The following ERBB4 variants were observed in gnomAD, a reference collection of about 807,000 sequenced individuals.
ERBB4 encodes receptor tyrosine-protein kinase erbB-4.
Under a neutral mutation model 158.0 loss-of-function variants are expected in ERBB4, and 42 were observed. The observed-to-expected ratio is 0.27, with a 90% CI of 0.21 to 0.34. The LOEUF (loss-of-function observed/expected upper bound fraction) is 0.34, where lower values mean the gene tolerates loss of function less well. ERBB4 is among the 10% of genes least tolerant of loss of function. ERBB4 has a pLI of 1.00. For missense variants in ERBB4, 1,333 were observed against 1,624.1 expected, an observed-to-expected ratio of 0.82 and a Z score of 3.08; for synonymous variants, 583 against 558.7, an observed-to-expected ratio of 1.04 and a Z score of -0.61.
rs761965625 is a variant in ERBB4, at chr2:212,054,347, G to A, written c.234+70405C>T. Among the ~76,000 whole-genome samples, 68 of 152,056 alleles carry A rather than the reference G, an allele frequency of 4.5e-4. 2 individuals carry two copies. Among genetic ancestry groups the A allele is most frequent in the Non-Finnish European group, 5.0e-4 (34 of 68,002 alleles). ...AAGGTTTTTGCTGGAACAGATGTAG[G>A]CCACATAGGATAAAAAGAAGAGGTC... On this transcript the variant is annotated intron_variant, in intron 2 of 27. Coordinates refer to ENST00000342788, the MANE Select transcript of ERBB4 (RefSeq NM_005235.3).
At chr2:212,512,209 C>T (rs563327933) in intron 1 of ERBB4, among the ~76,000 whole-genome samples, 27 of 152,244 alleles carry the variant, frequency 1.8e-4, no homozygotes, top group African/African-American at 6.3e-4. Context: ...ATAGTTTCTA[C>T]ACTACACCTT....
Position 212,436,372 on chromosome 2 carries a change from G to A in ERBB4, c.82+102077C>T, listed in dbSNP as rs560445666. Among the ~76,000 whole-genome samples, 5 of 152,042 alleles carry A rather than the reference G, an allele frequency of 3.3e-5. No homozygotes were observed. The South Asian group carries it at 1.0e-3, about 32-fold the overall frequency. On this transcript the variant is annotated intron_variant, in intron 1 of 27. Transcript: ENST00000342788. ...TAGAAAGGCACATTATCTCCAAGTAGGCATGACTGACATCCACCAAATATG... is the reference window on the plus strand; with the variant it reads ...TAGAAAGGCACATTATCTCCAAGTAAGCATGACTGACATCCACCAAATATG...
At chr2:211,607,871 T>C (rs1473866577) in intron 19 of ERBB4, among the ~76,000 whole-genome samples, 2 of 54,218 alleles carry the variant, frequency 3.7e-5, no homozygotes, top group African/African-American at 7.5e-5. Flanking sequence ...TCAGATTTTT[T>C]TTTTTTTTTT....
intron 1 of ERBB4, among the ~76,000 whole-genome samples, chr2:212,167,192 A>G (rs987474464): frequency 1.3e-4 from 20 of 152,146 alleles, no homozygotes; most frequent in African/African-American, 4.6e-4. Context: ...CCATCTACCC[A>G]TCTGACAAAG....
intron 3 of ERBB4, among the ~76,000 whole-genome samples, chr2:211,802,216 G>A (rs1010330609): frequency 4.0e-5 from 6 of 151,772 alleles, no homozygotes; most frequent in African/African-American, 9.7e-5. Context: ...CCGAGATAGC[G>A]CCGCTGCAGT....
chr2:211,834,222 C>A (rs1034038164), intron 3 of ERBB4, among the ~76,000 whole-genome samples: 7 of 151,946 alleles, frequency 4.6e-5, no homozygotes, highest in African/African-American at 1.5e-4. Flanking sequence ...AAATCAAAAA[C>A]AAAACAAAGC....
At chr2:212,104,086 T>G (rs767395563) in intron 2 of ERBB4, among the ~76,000 whole-genome samples, 2 of 152,130 alleles carry the variant, frequency 1.3e-5, no homozygotes, top group African/African-American at 4.8e-5. Context: ...CATCTCATTA[T>G]TAACCTCAAA....
chr2:212,441,336 TCTGCGGGAGGCAATGGTGATAGCCTCCC>T, intron 1 of ERBB4, among the ~76,000 whole-genome samples: 1 of 152,268 alleles, frequency 6.6e-6, no homozygotes, highest in South Asian at 2.1e-4. Context: ...GCCTTCCTGC[TCTGCGGGAGGCAATGGTGATAGCCTCCC>T]CTGAGGCAGT....
At chr2:212,451,246 G>C (rs1417862781) in intron 1 of ERBB4, among the ~76,000 whole-genome samples, 1 of 152,142 alleles carries the variant, frequency 6.6e-6, no homozygotes, top group Non-Finnish European at 1.5e-5. Flanking sequence ...TGTGAAGCTG[G>C]AGAGTATTTC....
chr2:212,122,991 C>G (rs1461642978), intron 2 of ERBB4, among the ~76,000 whole-genome samples: 1 of 152,180 alleles, frequency 6.6e-6, no homozygotes, highest in Non-Finnish European at 1.5e-5. Flanking sequence ...TTCCCTGCTT[C>G]AGAATTCAGC....
intron 16 of ERBB4, among the ~76,000 whole-genome samples, chr2:211,632,040 A>T (rs766613227): frequency 2.6e-5 from 4 of 152,092 alleles, no homozygotes; most frequent in Non-Finnish European, 5.9e-5. Flanking sequence ...CATGTCTTTT[A>T]GAGATTATGA....
At chr2:211,452,647 T>A (rs1241195154) in intron 20 of ERBB4, among the ~76,000 whole-genome samples, 1 of 152,190 alleles carries the variant, frequency 6.6e-6, no homozygotes, top group South Asian at 2.1e-4. Context: ...TATCAAATTA[T>A]CTATATTGAT....
At chr2:211,580,585 G>C (rs1000358492) in intron 19 of ERBB4, among the ~76,000 whole-genome samples, 2 of 151,452 alleles carry the variant, frequency 1.3e-5, no homozygotes, top group African/African-American at 4.8e-5. Context: ...ATGTAAAACA[G>C]TGTGGAGATT....
intron 3 of ERBB4, among the ~76,000 whole-genome samples, chr2:211,798,689 C>A (rs897207305): frequency 1.4e-4 from 22 of 151,986 alleles, no homozygotes; most frequent in Admixed American, 1.3e-4. Context: ...GAAATGATGA[C>A]CAAATGAAAA....
At chr2:212,267,773 C>T (rs1350439623) in intron 1 of ERBB4, among the ~76,000 whole-genome samples, 2 of 151,120 alleles carry the variant, frequency 1.3e-5, no homozygotes, top group East Asian at 2.0e-4. Context: ...CAACAGGCCC[C>T]GGTGTGTGAT....
intron 5 of ERBB4, among the ~76,000 whole-genome samples, chr2:211,737,187 C>T (rs942435662): frequency 6.6e-5 from 10 of 152,122 alleles, no homozygotes; most frequent in Admixed American, 5.2e-4. Context: ...TGCTTGACAT[C>T]CCTATTATGG....
intron 1 of ERBB4, among the ~76,000 whole-genome samples, chr2:212,417,027 A>G (rs903369128): frequency 2.0e-5 from 3 of 152,058 alleles, no homozygotes; most frequent in African/African-American, 7.2e-5. Context: ...CCTAAAGGAG[A>G]GGGAAAATGG....
intron 1 of ERBB4, among the ~76,000 whole-genome samples, chr2:212,188,271 CTCCCTCCCTCTTCT>C (rs2082090138): frequency 4.0e-5 from 1 of 25,184 alleles, no homozygotes; most frequent in Non-Finnish European, 1.7e-4. Flanking sequence ...TCCCTCTTCT[CTCCCTCCCTCTTCT>C]CTCCCTCCCT....
intron 20 of ERBB4, among the ~76,000 whole-genome samples, chr2:211,435,104 A>C (rs1386851368): frequency 6.6e-6 from 1 of 152,248 alleles, no homozygotes; most frequent in African/African-American, 2.4e-5. Flanking sequence ...TCATGCAACT[A>C]AGGTGGCAGA....
Sources: gnomAD v4.1 joint callset for allele counts (sites outside exome capture counted in the v4.1 genomes callset) on GRCh38, gnomAD v4.1.1 for gene constraint, MANE v1.5 for transcripts, NCBI Gene and HGNC (gene_info 2026-07-23, HGNC 2026-07-21) for gene names.